PLXNB2: variants seen among roughly 807,000 people sequenced by gnomAD.
PLXNB2 encodes plexin-B2.
In PLXNB2, 85 loss-of-function variants were observed where a neutral mutation model predicts 202.6. That is an observed-to-expected ratio of 0.42 (90% CI 0.35 to 0.50). The LOEUF (loss-of-function observed/expected upper bound fraction) is 0.50. PLXNB2 is among the 20% of genes least tolerant of loss of function. PLXNB2 has a pLI of 0.02. For missense variants in PLXNB2, 2,063 were observed against 2,586.2 expected (o/e 0.80, Z 4.39); for synonymous variants, 1,239 against 1,137.6 (o/e 1.09, Z -1.79).
chr22:50,298,727 C>T (rs1054513337), intron 1 of PLXNB2, among the ~76,000 whole-genome samples: 1 of 152,186 alleles, frequency 6.6e-6, no homozygotes, highest in Non-Finnish European at 1.5e-5. Context: ...CTCACTGCAA[C>T]CCCTGCCTCC....
At position 50,282,896 on chromosome 22, in the gene PLXNB2, G is replaced by T; in HGVS notation, c.2817-15C>A. The T allele has an allele frequency of 6.2e-7, 1 of 1,601,402 alleles. No individual in the cohort carries two copies. Among genetic ancestry groups the T allele is most frequent in the Non-Finnish European group, 8.5e-7 (1 of 1,172,788 alleles). ...CAAACTTCGTCCTGGGGGAGGGAGG[G>T]TGCTGGTCTGCATCAACCCCTCCCC... On this transcript the variant is annotated splice_polypyrimidine_tract_variant and intron_variant, in intron 17 of 36. Coordinates refer to ENST00000359337, the MANE Select transcript of PLXNB2 (RefSeq NM_012401.4).
intron 2 of PLXNB2, among the ~76,000 whole-genome samples, chr22:50,292,967 GC>G (rs34402209): frequency 0.39 from 58,801 of 152,004 alleles, 13,518 homozygotes; most frequent in African/African-American, 0.65. Flanking sequence ...AACCCCTGGA[GC>G]CCCCCAGGTG....
At position 50,288,242 on chromosome 22, in the gene PLXNB2, G is replaced by A. The variant is rs767143345; in HGVS notation, c.1381-205C>T. Among the ~76,000 whole-genome samples, 1 of 152,130 alleles carries A rather than the reference G, an allele frequency of 6.6e-6. No individual in the cohort carries two copies. Among genetic ancestry groups the A allele is most frequent in the African/African-American group, 2.4e-5 (1 of 41,426 alleles). ...CCCGATGGGAGCCCAGGGAAGCCTGGAGGTCTTGGCTATGGTGTCTCCCGG... is the reference window on the plus strand; with the variant it reads ...CCCGATGGGAGCCCAGGGAAGCCTGAAGGTCTTGGCTATGGTGTCTCCCGG... On this transcript the variant is annotated intron_variant, in intron 5 of 36. Transcript: ENST00000359337. The surrounding 1 kb of genome is among the most constrained non-coding windows in gnomAD (Gnocchi z 5.0).
chr22:50,276,047 G>T, intron 35 of PLXNB2, 84 bp from the exon 36 acceptor site: 2 of 1,336,044 alleles, frequency 1.5e-6, no homozygotes, highest in Non-Finnish European at 2.1e-6. Flanking sequence ...CGCCCAGGAC[G>T]AGGCCTCCCC....
chr22:50,286,090 G>A lies in PLXNB2; in HGVS notation c.1886C>T (p.Ser629Phe). ...MSLEENLPCI[S>F]CVSNRWTCQW... Reference sequence around the variant, plus strand: ...GCAGGTCCAGCGGTTGCTCACGCAGGAGATGCACCTGCATCCAGAGGGGAT... The same window carrying A: ...GCAGGTCCAGCGGTTGCTCACGCAGAAGATGCACCTGCATCCAGAGGGGAT... The change falls in exon 10 of 37, where the codon TCC becomes TTC. Residue 629 changes from serine (S) to phenylalanine (F), a missense_variant. Ser to Phe is a radical substitution (Grantham distance 155). Around this residue, in one of 2 missense-constraint regions of PLXNB2, gnomAD observed 1,303 missense variants for 1,476.8 expected, o/e 0.88. Coordinates refer to ENST00000359337, the MANE Select transcript of PLXNB2 (RefSeq NM_012401.4). 1 of 1,612,234 alleles carries A rather than the reference G, an allele frequency of 6.2e-7. No homozygotes were observed. Among genetic ancestry groups the A allele is most frequent in the Middle Eastern group, 1.6e-4 (1 of 6,062 alleles).
At chr22:50,301,508 G>C (rs1411874573) in intron 1 of PLXNB2, 4 of 531,668 alleles carry the variant, frequency 7.5e-6, no homozygotes, top group South Asian at 1.6e-4. Context: ...GTGGGATTCT[G>C]GGGCTCAGTC....
chr22:50,286,279 C>G lies in PLXNB2; in HGVS notation c.1771G>C (p.Ala591Pro). The G allele has an allele frequency of 1.2e-6, 2 of 1,611,990 alleles. No homozygotes were observed. The highest frequency in any genetic ancestry group is 1.3e-5 in the African/African-American group (1 of 75,028). ...PVTPPGQDHV[A>P]VTIQLLLRRG... ...CTAAGGAGGAGCTGGATGGTCACGG[C>G]CACGTGGTCTGCAGACAGCAGAGGG... Residue 591 changes from alanine to proline, a missense_variant, in exon 9 of 37, where the codon GCC becomes CCC. Physicochemically the swap from Ala to Pro is conservative, Grantham distance 27 (BLOSUM62 -1). This residue lies in a region of PLXNB2 where 1,303 missense variants were observed against 1,476.8 expected (regional missense o/e 0.88). Transcript: ENST00000359337.
chr22:50,279,569 T>C, intron 27 of PLXNB2, 61 bp downstream of exon 27: 1 of 1,537,130 alleles, frequency 6.5e-7, no homozygotes, highest in Non-Finnish European at 8.9e-7. Flanking sequence ...GGCCAGGGGA[T>C]GCCCAAGCTC....
Position 50,297,452 on chromosome 22 carries a change from CACCG to C in PLXNB2, c.-73-2678_-73-2675del, listed in dbSNP as rs1300343072. Among the ~76,000 whole-genome samples the C allele has an allele frequency of 7.9e-5, 12 of 152,198 alleles. No individual in the cohort carries two copies. Among genetic ancestry groups the C allele is most frequent in the African/African-American group, 2.4e-4 (10 of 41,440 alleles). Reference sequence around the variant, plus strand: ...TTCTGCCGTCCTCTTCCCTGGCCCTCACCGTGGAGAACGGCCATGGATTTCCCCT... The same window carrying C: ...TTCTGCCGTCCTCTTCCCTGGCCCTCTGGAGAACGGCCATGGATTTCCCCT... On this transcript the variant is annotated intron_variant, in intron 1 of 36. Coordinates refer to ENST00000359337, the MANE Select transcript of PLXNB2 (RefSeq NM_012401.4). The surrounding 1 kb of genome is among the most constrained non-coding windows in gnomAD (Gnocchi z 5.3).
chr22:50,281,570 A>G lies in PLXNB2; in HGVS notation c.3518T>C (p.Phe1173Ser). ...CGCCAGTCCCCGCTCACGCACAATG[A>G]ACTCGGGCAGGTTGTGTGTGGTGTC... ...KRDTTHNLPE[F>S]IVKFGSREWV... is the part of the protein sequence containing the mutation. Residue 1173 changes from phenylalanine (F) to serine (S), a missense_variant, in exon 21 of 37, where the codon TTC (phenylalanine) becomes TCC (serine). Around this residue, in one of 2 missense-constraint regions of PLXNB2, gnomAD observed 760 missense variants for 1,109.4 expected, o/e 0.69. Transcript: ENST00000359337. 1 of 1,610,790 alleles carries G rather than the reference A, an allele frequency of 6.2e-7. No individual in the cohort carries two copies. The highest frequency in any genetic ancestry group is 8.5e-7 in the Non-Finnish European group (1 of 1,178,672).
intron 1 of PLXNB2, among the ~76,000 whole-genome samples, chr22:50,300,500 G>C (rs938744271): frequency 1.3e-5 from 2 of 152,202 alleles, no homozygotes; most frequent in East Asian, 3.9e-4. Context: ...AGACTCACCC[G>C]AGGCAAAGGC....
chr22:50,299,166 G>A (rs1427421488), intron 1 of PLXNB2, among the ~76,000 whole-genome samples: 2 of 152,192 alleles, frequency 1.3e-5, no homozygotes, highest in South Asian at 2.1e-4. Context: ...AGGAGAGCTC[G>A]GGCCTAGGCC....
At chr22:50,280,718 T>TCCCCCCCC in intron 24 of PLXNB2, 26 bp downstream of exon 24, 1 of 696,476 alleles carries the variant, frequency 1.4e-6, no homozygotes. Flanking sequence ...CTGTGTGCCC[T>TCCCCCCCC]CCCGCCCGCC....
Position 50,275,640 on chromosome 22 carries a change from T to C in PLXNB2, c.*64A>G. On this transcript the variant is annotated 3_prime_UTR_variant, in exon 37 of 37. Transcript: ENST00000359337. Reference sequence around the variant, plus strand: ...CCTCAGCCACAGCCACTCGGCCTCCTCCCCTGAGGGGCTCTCAGGTACCTC... The same window carrying C: ...CCTCAGCCACAGCCACTCGGCCTCCCCCCCTGAGGGGCTCTCAGGTACCTC... 8.4e-7 allele frequency: 1 copy of C among 1,187,638 alleles called. No homozygotes were observed. Among genetic ancestry groups the C allele is most frequent in the Non-Finnish European group, 1.2e-6 (1 of 829,290 alleles). 73.6% of individuals were successfully genotyped at this position (1,187,638 alleles called of 1,614,324 possible).
chr22:50,292,520 G>A (rs2066948353), intron 2 of PLXNB2, among the ~76,000 whole-genome samples: 1 of 152,146 alleles, frequency 6.6e-6, no homozygotes, highest in Non-Finnish European at 1.5e-5. Context: ...GGGCATGGGT[G>A]GGGCTGGGAT....
At position 50,287,741 on chromosome 22, in the gene PLXNB2, A is replaced by G; in HGVS notation, c.1534T>C (p.Trp512Arg). ...GCCACGCAGGACTTGCTTCGGCTCC[A>G]CAGCCAGTGGCTGGCCTCCTCGGCC... is the stretch of plus-strand genomic sequence containing the variant. ...PRAEEASHWL[W>R]SRSKSCVAVT... The change falls in exon 7 of 37, where the codon TGG becomes CGG. Residue 512 changes from tryptophan (W) to arginine (R), a missense_variant. By Grantham distance (101) the Trp-to-Arg change is moderately radical. Around this residue, in one of 2 missense-constraint regions of PLXNB2, gnomAD observed 1,303 missense variants for 1,476.8 expected, o/e 0.88. Transcript: ENST00000359337. 1 of 1,582,788 alleles carries G rather than the reference A, an allele frequency of 6.3e-7. No homozygotes were observed. The highest frequency in any genetic ancestry group is 8.5e-7 in the Non-Finnish European group (1 of 1,170,338).
At position 50,275,803 on chromosome 22, in the gene PLXNB2, G is replaced by C; in HGVS notation, c.5418C>G (p.Ile1806Met). 6.2e-7 allele frequency: 1 copy of C among 1,611,746 alleles called. No homozygotes were observed. Among genetic ancestry groups the C allele is most frequent in the Non-Finnish European group, 8.5e-7 (1 of 1,179,174 alleles). The change falls in exon 37 of 37, where the codon ATC (isoleucine) becomes ATG (methionine). Residue 1806 changes from isoleucine to methionine, a missense_variant. This residue lies in a region of PLXNB2 where 760 missense variants were observed against 1,109.4 expected (regional missense o/e 0.69). Coordinates refer to ENST00000359337, the MANE Select transcript of PLXNB2 (RefSeq NM_012401.4). ...CGGCAGGATCCTCCTCCAAGGCATT[G>C]ATGATCTGAGGGAGGGTCGCATCAG... ...QYTQKYYDEI[I>M]NALEEDPAAQ... is the part of the protein sequence containing the mutation.
In PLXNB2 at chr22:50,284,848, T is replaced by C; in HGVS notation, c.2089-183A>G. On this transcript the variant is annotated intron_variant, in intron 11 of 36. Transcript: ENST00000359337. The surrounding 1 kb of genome is among the most constrained non-coding windows in gnomAD (Gnocchi z 8.0). ...GGCCACTCCTGAGCCCAAACACCTG[T>C]GTCTGCAGAAGCCTCTGAACGTCCT... is the stretch of plus-strand genomic sequence containing the variant. The C allele has an allele frequency of 1.4e-6, 1 of 726,134 alleles. No homozygotes were observed. The highest frequency in any genetic ancestry group is 2.6e-6 in the Non-Finnish European group (1 of 388,022). 45.0% of individuals were successfully genotyped at this position (726,134 alleles called of 1,614,324 possible).
At chr22:50,301,410 C>CACAT in intron 1 of PLXNB2, 1 of 836,748 alleles carries the variant, frequency 1.2e-6, no homozygotes, top group Non-Finnish European at 1.3e-6. Flanking sequence ...GCGCTCGGGG[C>CACAT]ACACGAGGCC....
Sources: allele counts gnomAD v4.1 joint callset (sites outside exome capture counted in the v4.1 genomes callset), GRCh38; gene constraint gnomAD v4.1.1; regional missense constraint gnomAD v4.1.1; non-coding constraint Gnocchi (gnomAD v3.1); transcripts MANE v1.5; gene names NCBI Gene and HGNC (gene_info 2026-07-23, HGNC 2026-07-21).